Variants in PTCHD4 observed in about 807,000 individuals in gnomAD.
The protein encoded by PTCHD4 is patched domain containing 4, also known as patched domain-containing protein 4.
Under a neutral mutation model 58.1 loss-of-function variants are expected in PTCHD4, and 33 were observed. That is an observed-to-expected ratio of 0.57 (90% CI 0.43 to 0.76). PTCHD4 has a LOEUF of 0.76. Ranked by LOEUF, PTCHD4 falls within the 30% of genes least tolerant of loss-of-function variation. The pLI, the probability that PTCHD4 is intolerant of heterozygous loss-of-function variation, is 0.00. For missense variants in PTCHD4, 1,058 were observed against 1,027.1 expected (o/e 1.03, Z -0.41); for synonymous variants, 478 against 409.6 (o/e 1.17, Z -2.02).
At chr6:48,024,062 A>C (rs778269213) in intron 3 of PTCHD4, among the ~76,000 whole-genome samples, 1 of 152,202 alleles carries the variant, frequency 6.6e-6, no homozygotes, top group Non-Finnish European at 1.5e-5. Context: ...TTCTTCAGCT[A>C]TAAAATGGGA....
intron 1 of PTCHD4, among the ~76,000 whole-genome samples, chr6:48,106,692 T>A (rs183381841): frequency 1.8e-4 from 27 of 152,290 alleles, no homozygotes; most frequent in Admixed American, 2.0e-4. Flanking sequence ...TGATTGAATG[T>A]CTAGAAAACC....
chr6:47,996,900 TA>T (rs1768512054), intron 4 of PTCHD4, among the ~76,000 whole-genome samples: 1 of 152,162 alleles, frequency 6.6e-6, no homozygotes, highest in Non-Finnish European at 1.5e-5. Flanking sequence ...AACACTTTTC[TA>T]AAAAAATAAC....
chr6:47,929,720 G>T (rs1765744736), intron 4 of PTCHD4, among the ~76,000 whole-genome samples: 1 of 152,234 alleles, frequency 6.6e-6, no homozygotes, highest in African/African-American at 2.4e-5. Flanking sequence ...TGTTTCACAG[G>T]TGATTTGTGG....
At chr6:47,962,693 A>G (rs1444843259) in intron 4 of PTCHD4, among the ~76,000 whole-genome samples, 2 of 152,166 alleles carry the variant, frequency 1.3e-5, no homozygotes, top group African/African-American at 4.8e-5. Context: ...GCCATGCTGA[A>G]CTGTGAGTCA....
chr6:47,990,479 C>A (rs1768242134), intron 4 of PTCHD4, among the ~76,000 whole-genome samples: 1 of 152,066 alleles, frequency 6.6e-6, no homozygotes. Flanking sequence ...CATTTTGAAT[C>A]ATGGGGGCAG....
intron 4 of PTCHD4, among the ~76,000 whole-genome samples, chr6:47,953,102 AT>A (rs1382562019): frequency 1.0e-4 from 15 of 150,712 alleles, no homozygotes; most frequent in Middle Eastern, 3.2e-3. Context: ...TGACGACACT[AT>A]AAATGACAGA....
chr6:47,991,816 A>C (rs990523089), intron 4 of PTCHD4, among the ~76,000 whole-genome samples: 2 of 152,072 alleles, frequency 1.3e-5, no homozygotes, highest in Admixed American at 1.3e-4. Context: ...TCAAAATCAA[A>C]ACTTTTAACT....
intron 3 of PTCHD4, among the ~76,000 whole-genome samples, chr6:48,042,341 A>G (rs768070406): frequency 6.6e-5 from 10 of 152,048 alleles, no homozygotes; most frequent in Non-Finnish European, 1.3e-4. Context: ...GTTTAAGCCT[A>G]TTCTTTTTCA....
At chr6:47,946,862 G>A (rs1386202617) in intron 4 of PTCHD4, among the ~76,000 whole-genome samples, 1 of 151,702 alleles carries the variant, frequency 6.6e-6, no homozygotes, top group Non-Finnish European at 1.5e-5. Flanking sequence ...TATTTTTTCA[G>A]AGATAAGGTC....
At chr6:48,001,383 A>C (rs1768716191) in intron 4 of PTCHD4, among the ~76,000 whole-genome samples, 1 of 152,200 alleles carries the variant, frequency 6.6e-6, no homozygotes, top group African/African-American at 2.4e-5. Context: ...AGTAACCAAA[A>C]CAGCATGGTA....
At chr6:47,954,857 G>T (rs1581928561) in intron 4 of PTCHD4, among the ~76,000 whole-genome samples, 1 of 152,118 alleles carries the variant, frequency 6.6e-6, no homozygotes, top group African/African-American at 2.4e-5. Flanking sequence ...AGAAGTGACA[G>T]TATGTGATTT....
intron 3 of PTCHD4, among the ~76,000 whole-genome samples, chr6:48,031,896 T>C (rs1008183373): frequency 2.0e-5 from 3 of 152,108 alleles, no homozygotes; most frequent in African/African-American, 7.2e-5. Flanking sequence ...ATCCTAAGAA[T>C]AGTTTTCAGT....
intron 4 of PTCHD4, among the ~76,000 whole-genome samples, chr6:47,921,139 C>T (rs1157550251): frequency 6.6e-6 from 1 of 152,224 alleles, no homozygotes; most frequent in East Asian, 1.9e-4. Context: ...GATCTTATGA[C>T]AAAAATAAAT....
At position 47,984,796 on chromosome 6, in the gene PTCHD4, A is replaced by C. The variant is rs147847860; in HGVS notation, c.898+23838T>G. Reference sequence around the variant, plus strand: ...TGTTCAGGTAATTTGTCATAATTGCACTTATGATCTAAAATAAAATAAATT... The same window carrying C: ...TGTTCAGGTAATTTGTCATAATTGCCCTTATGATCTAAAATAAAATAAATT... On this transcript the variant is annotated intron_variant, in intron 4 of 4. Coordinates refer to ENST00000339488, the MANE Select transcript of PTCHD4 (RefSeq NM_001384253.1). Among the ~76,000 whole-genome samples the C allele has an allele frequency of 2.9e-3, 446 of 152,220 alleles. 3 individuals are homozygous for C. Among genetic ancestry groups the C allele is most frequent in the African/African-American group, 0.01 (423 of 41,576 alleles).
chr6:47,914,846 T>C (rs1446255855), intron 4 of PTCHD4, among the ~76,000 whole-genome samples: 3 of 151,710 alleles, frequency 2.0e-5, no homozygotes, highest in African/African-American at 7.3e-5. Context: ...ATTAATACAG[T>C]CAAGTAAATC....
chr6:47,992,051 C>T (rs1254926863), intron 4 of PTCHD4, among the ~76,000 whole-genome samples: 1 of 152,022 alleles, frequency 6.6e-6, no homozygotes, highest in Non-Finnish European at 1.5e-5. Context: ...GGAAGAATCT[C>T]CACATTCAAC....
At chr6:48,104,832 A>G (rs899591563) in intron 1 of PTCHD4, among the ~76,000 whole-genome samples, 1 of 152,218 alleles carries the variant, frequency 6.6e-6, no homozygotes, top group African/African-American at 2.4e-5. Context: ...CTTTAAACCA[A>G]CAAAGATCAA....
intron 4 of PTCHD4, among the ~76,000 whole-genome samples, chr6:47,955,377 GGCTC>G (rs1405531171): frequency 2.6e-5 from 4 of 152,180 alleles, no homozygotes; most frequent in Non-Finnish European, 5.9e-5. Context: ...TATTGTCAAA[GGCTC>G]TCGAATTATG....
chr6:48,013,029 A>T (rs1762738518), intron 3 of PTCHD4, among the ~76,000 whole-genome samples: 1 of 152,080 alleles, frequency 6.6e-6, no homozygotes, highest in Non-Finnish European at 1.5e-5. Flanking sequence ...TTGGCCTGAA[A>T]TTTCCCTTTT....
Sources: allele counts gnomAD v4.1 joint callset (sites outside exome capture counted in the v4.1 genomes callset), GRCh38; gene constraint gnomAD v4.1.1; transcripts MANE v1.5; gene names NCBI Gene and HGNC (gene_info 2026-07-23, HGNC 2026-07-21).